The following MOV10 variants were observed in gnomAD, a reference collection of about 807,000 sequenced individuals.
The protein encoded by MOV10 is Mov10 RNA helicase.
A neutral mutation model predicts 108.4 loss-of-function variants in MOV10; 39 were observed. That is an observed-to-expected ratio of 0.36 (90% CI 0.28 to 0.47). The LOEUF (loss-of-function observed/expected upper bound fraction) is 0.47, where lower values mean the gene tolerates loss of function less well. Ranked by LOEUF, MOV10 falls within the 20% of genes least tolerant of loss-of-function variation. The pLI is 1.00. For missense variants in MOV10, 952 were observed against 1,297.6 expected (o/e 0.73, Z 4.09); for synonymous variants, 490 against 523.1 (o/e 0.94, Z 0.86).
rs746105147 is a variant in MOV10, at chr1:112,699,929, G to A, written c.2745G>A (p.Leu915=). The change falls in exon 19 of 21, where the codon CTG becomes CTA. Residue 915 remains leucine, a synonymous_variant. Coordinates refer to ENST00000369645, the MANE Select transcript of MOV10 (RefSeq NM_001321324.2). ...TAGCTGTGACCCGGGCCAAGGCCCTGCTCATCATCGTGGGGAACCCCCTTC... is the reference window on the plus strand; with the variant it reads ...TAGCTGTGACCCGGGCCAAGGCCCTACTCATCATCGTGGGGAACCCCCTTC... ...FNVAVTRAKA[L]LIIVGNPLLL... 2 of 1,614,186 alleles carry A rather than the reference G, an allele frequency of 1.2e-6. No homozygotes were observed. The highest frequency in any genetic ancestry group is 1.1e-5 in the South Asian group (1 of 91,082).
Position 112,700,324 on chromosome 1 carries a change from C to G in MOV10, c.2904C>G (p.Leu968=). The change falls in exon 20 of 21, where the codon CTC becomes CTG. Residue 968 remains leucine (L), a synonymous_variant. Coordinates refer to ENST00000369645, the MANE Select transcript of MOV10 (RefSeq NM_001321324.2). The part of the protein sequence containing the change: ...GQNLLQGLSK[L]SPSTSGPHSH... ...ATTTACTGCAAGGTCTGAGCAAGCT[C>G]AGCCCCTCTACCTCAGGTATGGCTG... The G allele has an allele frequency of 6.2e-7, 1 of 1,614,242 alleles. No homozygotes were observed. The highest frequency in any genetic ancestry group is 1.1e-5 in the South Asian group (1 of 91,076).
Position 112,694,680 on chromosome 1 carries a change from G to A in MOV10, c.1472+51G>A, listed in dbSNP as rs1015249569. 6.3e-7 allele frequency: 1 copy of A among 1,594,124 alleles called. No homozygotes were observed. Among genetic ancestry groups the A allele is most frequent in the South Asian group, 1.1e-5 (1 of 88,010 alleles). ...GGAGCCACTTGGAGTGTGGGCACAG[G>A]GGGTGGAGTCAGGGAGGCCTCTGGG... On this transcript the variant is annotated intron_variant, in intron 9 of 20. Transcript: ENST00000369645. This position sits in a 1 kb window ranked among gnomAD's most constrained non-coding sequence, Gnocchi z 4.1.
Position 112,694,808 on chromosome 1 carries a change from T to C in MOV10, c.1532T>C (p.Val511Ala). The change falls in exon 10 of 21, where the codon GTT (valine) becomes GCT (alanine). Residue 511 changes from valine (V) to alanine (A), a missense_variant. Transcript: ENST00000369645. This position sits in a 1 kb window ranked among gnomAD's most constrained non-coding sequence, Gnocchi z 4.1. ...CAGCTGCAGGCCATGAGGCACATTG[T>C]TACGGGCACCACCCGTCCAGCCCCC... The part of the protein sequence containing the change: ...PEQLQAMRHI[V>A]TGTTRPAPYI... The C allele has an allele frequency of 1.2e-6, 2 of 1,614,154 alleles. No homozygotes were observed. The highest frequency in any genetic ancestry group is 1.7e-6 in the Non-Finnish European group (2 of 1,180,032).
At chr1:112,688,207 A>C (rs1343104425) in intron 2 of MOV10, 4 of 245,468 alleles carry the variant, frequency 1.6e-5, no homozygotes. Context: ...CATCCAGCAT[A>C]GTGTCTGGCA....
chr1:112,689,393 C>CCCGT, intron 3 of MOV10, 22 bp from the exon 4 acceptor site: 1 of 1,466,970 alleles, frequency 6.8e-7, no homozygotes, highest in Non-Finnish European at 9.6e-7. Flanking sequence ...CCCAACCCCC[C>CCCGT]CTTGACTCCC....
In MOV10 at chr1:112,675,416, C is replaced by T. The variant is rs894421576; in HGVS notation, c.137+367C>T. Among the ~76,000 whole-genome samples the T allele has an allele frequency of 1.7e-4, 26 of 152,156 alleles. No individual in the cohort carries two copies. Among genetic ancestry groups the T allele is most frequent in the Non-Finnish European group, 3.2e-4 (22 of 68,014 alleles). Reference sequence around the variant, plus strand: ...GGGGAGGGGAGCCTCCAGAGGGGGCCCAGGCATCGCGGGAGCGCGGGTTAG... The same window carrying T: ...GGGGAGGGGAGCCTCCAGAGGGGGCTCAGGCATCGCGGGAGCGCGGGTTAG... On this transcript the variant is annotated intron_variant, in intron 2 of 20. Coordinates refer to ENST00000369645, the MANE Select transcript of MOV10 (RefSeq NM_001321324.2). The surrounding 1 kb of genome is among the most constrained non-coding windows in gnomAD (Gnocchi z 4.7).
Position 112,696,203 on chromosome 1 carries a change from A to G in MOV10, c.1835A>G (p.Lys612Arg). ...GAGTATGTATTTCCCGCCAAGAAGA[A>G]GCTGCAGGAATACCGGGTCTTAATT... The part of the protein sequence containing the change: ...KGEYVFPAKK[K>R]LQEYRVLITT... The change falls in exon 12 of 21, where the codon AAG becomes AGG. Residue 612 changes from lysine (K) to arginine (R), a missense_variant. Transcript: ENST00000369645. The G allele has an allele frequency of 2.5e-6, 4 of 1,614,034 alleles. No homozygotes were observed. The highest frequency in any genetic ancestry group is 3.4e-6 in the Non-Finnish European group (4 of 1,179,976).
chr1:112,690,134 C>T (rs754501333), intron 5 of MOV10, 36 bp downstream of exon 5: 23 of 1,603,462 alleles, frequency 1.4e-5, no homozygotes, highest in East Asian at 4.5e-5. Context: ...TGGCTGGGCT[C>T]GTATCTCAAC....
At chr1:112,687,963 C>G (rs1673215568) in intron 2 of MOV10, among the ~76,000 whole-genome samples, 4 of 152,108 alleles carry the variant, frequency 2.6e-5, no homozygotes, top group Admixed American at 2.6e-4. Context: ...TTCGCGCTCC[C>G]TCTTGTGCCC....
At chr1:112,699,349 G>T in intron 17 of MOV10, 1 of 630,926 alleles carries the variant, frequency 1.6e-6, no homozygotes, top group East Asian at 7.1e-5. Context: ...CCGGGTTAGG[G>T]CCCAGGGTTG....
Position 112,695,327 on chromosome 1 carries a change from T to C in MOV10, c.1621-89T>C. The C allele has an allele frequency of 3.7e-6, 5 of 1,352,122 alleles. No homozygotes were observed. The East Asian group carries it at 1.2e-4, about 31-fold the overall frequency. The allele number at this position is 1,352,122 out of a possible 1,614,324, so 83.8% of individuals were successfully genotyped here. On this transcript the variant is annotated intron_variant, in intron 10 of 20. Coordinates refer to ENST00000369645, the MANE Select transcript of MOV10 (RefSeq NM_001321324.2). The stretch of plus-strand genomic sequence containing the variant: ...TGAATCTTGGAGTCACCATTCACAT[T>C]TCAGTCATCATAGACTTGCCCTGCC...
At chr1:112,679,702 T>C (rs1672477167) in intron 2 of MOV10, among the ~76,000 whole-genome samples, 1 of 151,960 alleles carries the variant, frequency 6.6e-6, no homozygotes, top group Admixed American at 6.6e-5. Context: ...AAATGACTAA[T>C]AAAAGAAGGA....
Position 112,684,564 on chromosome 1 carries a change from G to A in MOV10, c.138-4371G>A, listed in dbSNP as rs35161608. Among the ~76,000 whole-genome samples, 772 of 152,200 alleles carry A rather than the reference G, an allele frequency of 5.1e-3. 2 individuals are homozygous for A. Among genetic ancestry groups the A allele is most frequent in the Non-Finnish European group, 8.8e-3 (599 of 68,014 alleles). ...ATTACAGGCGTGAGCCACCGTGCCC[G>A]GACAGTCCCTGGGTTTTAAAGGATA... is the stretch of plus-strand genomic sequence containing the variant. On this transcript the variant is annotated intron_variant, in intron 2 of 20. Transcript: ENST00000369645.
chr1:112,693,020 CAA>C (rs1673724736), intron 7 of MOV10, 91 bp downstream of exon 7: 1 of 1,290,154 alleles, frequency 7.8e-7, no homozygotes, highest in Non-Finnish European at 1.1e-6. Flanking sequence ...CAGGGCAGAA[CAA>C]GAGGAAAGTT....
rs201342108 is a variant in MOV10, at chr1:112,694,202, G to C, written c.1295+30G>C. The C allele has an allele frequency of 2.8e-5, 45 of 1,613,456 alleles. No homozygotes were observed. The highest frequency in any genetic ancestry group is 3.7e-5 in the Non-Finnish European group (44 of 1,179,568). ...GTGTTGGGGGAACCCTGAGCTGCTG[G>C]AAGGGTCTACAGACTTCTGACCCCA... On this transcript the variant is annotated intron_variant, in intron 8 of 20. Transcript: ENST00000369645. This position sits in a 1 kb window ranked among gnomAD's most constrained non-coding sequence, Gnocchi z 4.1.
chr1:112,696,370 GGGAAAGCATTCA>G (rs1674089541), intron 12 of MOV10, 55 bp from the exon 13 acceptor site: 1 of 1,459,296 alleles, frequency 6.9e-7, no homozygotes. Context: ...AAGCCAGCCT[GGGAAAGCATTCA>G]GGTTTGGTAG....
At chr1:112,691,121 A>G (rs1205120899) in intron 5 of MOV10, among the ~76,000 whole-genome samples, 1 of 152,140 alleles carries the variant, frequency 6.6e-6, no homozygotes, top group African/African-American at 2.4e-5. Context: ...TCTACTAAAA[A>G]TACAAAAAAA....
intron 17 of MOV10, chr1:112,699,414 C>A: frequency 8.0e-7 from 1 of 1,253,598 alleles, no homozygotes; most frequent in Non-Finnish European, 1.0e-6. Flanking sequence ...AAAGTCACTG[C>A]TCTGAGTTCC....
At chr1:112,691,590 A>C in intron 5 of MOV10, 75 bp from the exon 6 acceptor site, 9 of 1,547,720 alleles carry the variant, frequency 5.8e-6, no homozygotes, top group Non-Finnish European at 7.0e-6. Context: ...GGCTTTGTGC[A>C]TCCACCCCAG....
Sources: gnomAD v4.1 joint callset for allele counts (sites outside exome capture counted in the v4.1 genomes callset) on GRCh38, gnomAD v4.1.1 for gene constraint, Gnocchi (gnomAD v3.1) non-coding constraint, MANE v1.5 for transcripts, NCBI Gene and HGNC (gene_info 2026-07-23, HGNC 2026-07-21) for gene names.